Variants in NTM observed in about 807,000 individuals in gnomAD.
NTM encodes neurotrimin.
Under a neutral mutation model 42.1 loss-of-function variants are expected in NTM, and 13 were observed. That is an observed-to-expected ratio of 0.31 (90% CI 0.20 to 0.49). The LOEUF (loss-of-function observed/expected upper bound fraction) is 0.49, where lower values mean the gene tolerates loss of function less well. Among genes scored for constraint, NTM ranks in the 20% least tolerant of loss-of-function variants. The pLI is 0.99. For synonymous variants in NTM, 187 were observed against 179.2 expected (o/e 1.04, Z -0.35); for missense variants, 373 against 452.8 (o/e 0.82, Z 1.60).
At chr11:131,728,236 C>T (rs551176934) in intron 1 of NTM, among the ~76,000 whole-genome samples, 1 of 152,288 alleles carries the variant, frequency 6.6e-6, no homozygotes, top group South Asian at 2.1e-4. Flanking sequence ...GCTCTCAGTC[C>T]CACAAGACTG....
chr11:131,647,364 G>A (rs762869266), intron 1 of NTM, among the ~76,000 whole-genome samples: 13 of 152,200 alleles, frequency 8.5e-5, no homozygotes, highest in Non-Finnish European at 1.8e-4. Flanking sequence ...GCATGGAACA[G>A]TGCATCTCTA....
chr11:131,940,576 G>C (rs184586231), intron 2 of NTM, among the ~76,000 whole-genome samples: 1 of 152,282 alleles, frequency 6.6e-6, no homozygotes. Flanking sequence ...CAGTTAACCT[G>C]AGCTAGAGAC....
chr11:131,772,770 G>C (rs1314684765), intron 1 of NTM, among the ~76,000 whole-genome samples: 1 of 152,090 alleles, frequency 6.6e-6, no homozygotes, highest in East Asian at 1.9e-4. Flanking sequence ...ATGTTAAATT[G>C]GTGATAATTT....
chr11:132,333,131 C>T (rs1246754251), intron 8 of NTM, among the ~76,000 whole-genome samples: 1 of 152,100 alleles, frequency 6.6e-6, no homozygotes, highest in Non-Finnish European at 1.5e-5. Context: ...CGGTGTGATT[C>T]ACGCATATGA....
At chr11:131,593,772 G>A (rs1253187162) in intron 1 of NTM, among the ~76,000 whole-genome samples, 1 of 152,174 alleles carries the variant, frequency 6.6e-6, no homozygotes, top group South Asian at 2.1e-4. Context: ...GCCTCACGAG[G>A]ATCATGTTTG....
chr11:131,793,033 G>A (rs570777282), intron 1 of NTM, among the ~76,000 whole-genome samples: 1 of 152,250 alleles, frequency 6.6e-6, no homozygotes, highest in Non-Finnish European at 1.5e-5. Context: ...TCCCATTAAA[G>A]TGAAGGCCCT....
chr11:131,733,518 C>CCTTT (rs58061012), intron 1 of NTM, among the ~76,000 whole-genome samples: 5 of 91,606 alleles, frequency 5.5e-5, no homozygotes, highest in Admixed American at 1.1e-4. Flanking sequence ...TTCCTTCCTT[C>CCTTT]CTTTCTTTCT....
At chr11:131,789,635 A>ACG (rs1491135129) in intron 1 of NTM, among the ~76,000 whole-genome samples, 1 of 37,906 alleles carries the variant, frequency 2.6e-5, no homozygotes, top group Non-Finnish European at 6.0e-5. Flanking sequence ...GAAGAAGAAG[A>ACG]AAAGAAGAAG....
chr11:132,304,690 G>C (rs912147888), intron 4 of NTM, among the ~76,000 whole-genome samples: 1 of 152,088 alleles, frequency 6.6e-6, no homozygotes, highest in African/African-American at 2.4e-5. Context: ...GAAAAAGGTG[G>C]GTGAGGAGAA....
chr11:131,592,524 CAAA>C (rs3040141), intron 1 of NTM, among the ~76,000 whole-genome samples: 26 of 129,908 alleles, frequency 2.0e-4, no homozygotes, highest in South Asian at 2.6e-4. Context: ...ATAGGTCTTT[CAAA>C]AAAAAAAAAA....
intron 2 of NTM, among the ~76,000 whole-genome samples, chr11:132,023,738 G>T (rs2074725149): frequency 6.7e-6 from 1 of 150,096 alleles, no homozygotes; most frequent in African/African-American, 2.5e-5. Flanking sequence ...TGTTGGTTTT[G>T]TTGTTGGTGG....
intron 2 of NTM, among the ~76,000 whole-genome samples, chr11:132,084,256 C>A (rs1302133261): frequency 6.6e-6 from 1 of 152,060 alleles, no homozygotes; most frequent in Non-Finnish European, 1.5e-5. Flanking sequence ...TCGCTACAAT[C>A]AAAAACATGA....
chr11:131,764,214 T>TG (rs2084745552), intron 1 of NTM, among the ~76,000 whole-genome samples: 1 of 152,222 alleles, frequency 6.6e-6, no homozygotes, highest in Non-Finnish European at 1.5e-5. Flanking sequence ...CAAATCTCTG[T>TG]GGTTAATTAG....
Position 131,549,808 on chromosome 11 carries a change from A to G in NTM, c.82+178920A>G, listed in dbSNP as rs568744385. Among the ~76,000 whole-genome samples the G allele has an allele frequency of 4.6e-5, 7 of 152,344 alleles. No individual in the cohort carries two copies. The South Asian group carries it at 1.2e-3, about 27-fold the overall frequency. ...AGGCTGGGGAAAAAATAAAATATTC[A>G]CATGAGGAAATTAAATTCTGCCCCA... On this transcript the variant is annotated intron_variant, in intron 1 of 8. Transcript: ENST00000683400.
At chr11:131,732,944 TATTA>T (rs1402035725) in intron 1 of NTM, among the ~76,000 whole-genome samples, 4 of 152,194 alleles carry the variant, frequency 2.6e-5, no homozygotes, top group South Asian at 4.1e-4. Flanking sequence ...GATTATTATT[TATTA>T]ATTTATATAA....
chr11:132,186,296 C>A (rs1314044712), intron 3 of NTM, among the ~76,000 whole-genome samples: 2 of 152,156 alleles, frequency 1.3e-5, no homozygotes, highest in African/African-American at 4.8e-5. Flanking sequence ...GACAGGACAA[C>A]AAAATGGTTG....
chr11:131,569,574 CTTTTTTTT>C (rs371565373), intron 1 of NTM, among the ~76,000 whole-genome samples: 1 of 130,880 alleles, frequency 7.6e-6, no homozygotes, highest in African/African-American at 3.0e-5. Flanking sequence ...TTTCTTCTCT[CTTTTTTTT>C]TTTTTTTTTC....
intron 2 of NTM, among the ~76,000 whole-genome samples, chr11:132,075,543 A>G (rs990945711): frequency 1.3e-5 from 2 of 152,168 alleles, no homozygotes; most frequent in South Asian, 4.1e-4. Context: ...ATGTATACCT[A>G]TGTAGCAAGA....
chr11:132,075,062 T>C (rs545583572), intron 2 of NTM, among the ~76,000 whole-genome samples: 162 of 152,266 alleles, frequency 1.1e-3, no homozygotes, highest in African/African-American at 3.8e-3. Flanking sequence ...TTGAGGACAT[T>C]ATGCTGAATG....
Sources: allele counts gnomAD v4.1 joint callset (sites outside exome capture counted in the v4.1 genomes callset), GRCh38; gene constraint gnomAD v4.1.1; transcripts MANE v1.5; gene names NCBI Gene and HGNC (gene_info 2026-07-23, HGNC 2026-07-21).